The following C1orf87 variants were observed in gnomAD, a reference collection of about 807,000 sequenced individuals.
C1orf87 encodes uncharacterized protein C1orf87.
In C1orf87, 58 loss-of-function variants were observed where a neutral mutation model predicts 60.5. The observed-to-expected ratio is 0.96, with a 90% CI of 0.78 to 1.19. The LOEUF (loss-of-function observed/expected upper bound fraction) is 1.19, where lower values mean the gene tolerates loss of function less well. C1orf87 is among the 50% of genes most tolerant of loss of function. C1orf87 has a pLI of 0.00. For missense variants in C1orf87, 673 were observed against 638.6 expected, an observed-to-expected ratio of 1.05 and a Z score of -0.58; for synonymous variants, 236 against 227.4, an observed-to-expected ratio of 1.04 and a Z score of -0.34.
chr1:60,038,117 A>G lies in C1orf87; in HGVS notation c.748-10T>C. The G allele has an allele frequency of 1.4e-6, 2 of 1,476,578 alleles. No homozygotes were observed. The highest frequency in any genetic ancestry group is 1.9e-6 in the Non-Finnish European group (2 of 1,075,392). The allele number at this position is 1,476,578 out of a possible 1,614,324, so 91.5% of individuals were successfully genotyped here. A position where few individuals can be genotyped will look rare whatever the true frequency, so the allele number is the denominator to read the frequency against. ...GCTTTTCATAATTCACCTGAAAATT[A>G]AATGTAAAATAGAACATCCTCATTT... On this transcript the variant is annotated splice_polypyrimidine_tract_variant and intron_variant, in intron 5 of 11. Transcript: ENST00000371201.
intron 2 of C1orf87, among the ~76,000 whole-genome samples, chr1:60,069,409 G>A (rs1040551792): frequency 1.3e-5 from 2 of 152,132 alleles, no homozygotes; most frequent in African/African-American, 4.8e-5. Flanking sequence ...AAACTGCAGA[G>A]AGTCAAGTAG....
chr1:60,026,895 T>A (rs1645201845), intron 7 of C1orf87, among the ~76,000 whole-genome samples: 1 of 152,172 alleles, frequency 6.6e-6, no homozygotes, highest in Admixed American at 6.5e-5. Flanking sequence ...TTGTATAAAA[T>A]TACCTCCAGG....
chr1:60,039,176 G>T (rs759065087), intron 5 of C1orf87, among the ~76,000 whole-genome samples: 11 of 152,088 alleles, frequency 7.2e-5, no homozygotes, highest in Non-Finnish European at 1.6e-4. Context: ...GAACTAAGAT[G>T]GTGGGATTAA....
chr1:60,061,723 G>C (rs1160264261), intron 2 of C1orf87, among the ~76,000 whole-genome samples: 1 of 129,910 alleles, frequency 7.7e-6, no homozygotes. Context: ...AAGATCACTT[G>C]AAGCCAGGAG....
chr1:59,995,955 T>C (rs1381596254), intron 11 of C1orf87, among the ~76,000 whole-genome samples: 1 of 152,258 alleles, frequency 6.6e-6, no homozygotes, highest in Non-Finnish European at 1.5e-5. Context: ...TCATCCTTTC[T>C]GGTTTTCCTC....
At chr1:60,064,655 T>TTAAATATATAATTATATA (rs1645524341) in intron 2 of C1orf87, among the ~76,000 whole-genome samples, 1 of 110,534 alleles carries the variant, frequency 9.0e-6, no homozygotes, top group Admixed American at 1.4e-4. Flanking sequence ...ATTTTATATA[T>TTAAATATATAATTATATA]TAAATATATA....
At chr1:60,038,767 G>A (rs534220835) in intron 5 of C1orf87, among the ~76,000 whole-genome samples, 2 of 152,314 alleles carry the variant, frequency 1.3e-5, no homozygotes, top group Admixed American at 6.5e-5. Flanking sequence ...TAGGCCAAGT[G>A]AAAAATCTGA....
At position 60,040,189 on chromosome 1, in the gene C1orf87, A is replaced by G. The variant is rs370236878; in HGVS notation, c.484-9T>C. 1.8e-5 allele frequency: 29 copies of G among 1,604,216 alleles called. No homozygotes were observed. The highest frequency in any genetic ancestry group is 1.7e-4 in the Middle Eastern group (1 of 5,988). The stretch of plus-strand genomic sequence containing the variant: ...GGGCTCTGGCCAATATCCTAACACA[A>G]CAATGAAAAACAAAGAGCAAGACTC... On this transcript the variant is annotated splice_polypyrimidine_tract_variant and intron_variant, in intron 4 of 11. Coordinates refer to ENST00000371201, the MANE Select transcript of C1orf87 (RefSeq NM_152377.3).
At chr1:60,040,217 C>T (rs372664696) in intron 4 of C1orf87, 37 bp from the exon 5 acceptor site, 5 of 1,580,862 alleles carry the variant, frequency 3.2e-6, no homozygotes, top group Non-Finnish European at 4.3e-6. Flanking sequence ...CAAGACTCTT[C>T]AATCAGCCGG....
chr1:60,053,091 A>G (rs1475598192), intron 3 of C1orf87, among the ~76,000 whole-genome samples: 1 of 152,252 alleles, frequency 6.6e-6, no homozygotes, highest in Non-Finnish European at 1.5e-5. Flanking sequence ...TTACCTAATG[A>G]ACATGCTACC....
At chr1:60,049,652 T>TAAG (rs1444654935) in intron 3 of C1orf87, among the ~76,000 whole-genome samples, 5 of 152,200 alleles carry the variant, frequency 3.3e-5, no homozygotes, top group African/African-American at 1.2e-4. Context: ...GAGTCACAGT[T>TAAG]AAGAAAGTTT....
chr1:60,025,451 C>T lies in C1orf87; in HGVS notation c.1077G>A (p.Leu359=). The change falls in exon 8 of 12, where the codon CTG becomes CTA. Residue 359 remains leucine (L), a synonymous_variant. Transcript: ENST00000371201. The part of the protein sequence containing the change: ...GKHGLYLTLS[L]LETLLNHQDL... ...CTTGATGGTTAAGCAATGTTTCCAGCAGGCTCAGGGTCAGATATAATCCAT... is the reference window on the plus strand; with the variant it reads ...CTTGATGGTTAAGCAATGTTTCCAGTAGGCTCAGGGTCAGATATAATCCAT... 1 of 1,613,262 alleles carries T rather than the reference C, an allele frequency of 6.2e-7. No homozygotes were observed.
At chr1:60,020,282 C>T (rs1235377789) in intron 8 of C1orf87, among the ~76,000 whole-genome samples, 1 of 152,142 alleles carries the variant, frequency 6.6e-6, no homozygotes, top group Non-Finnish European at 1.5e-5. Context: ...TGTACAGAGG[C>T]CGCACTAGGG....
At chr1:60,034,375 C>T (rs896099002) in intron 6 of C1orf87, among the ~76,000 whole-genome samples, 1 of 152,180 alleles carries the variant, frequency 6.6e-6, no homozygotes, top group African/African-American at 2.4e-5. Context: ...TTTGTTCCTC[C>T]AGATCCAGGT....
At chr1:60,010,531 A>C in intron 8 of C1orf87, 75 bp from the exon 9 acceptor site, 4 of 1,277,388 alleles carry the variant, frequency 3.1e-6, no homozygotes, top group Non-Finnish European at 4.5e-6. Context: ...AGCTCTGTTT[A>C]TATTGGTAGT....
chr1:60,064,334 C>CATATATAAATTATATAGGATA (rs1645519968), intron 2 of C1orf87, among the ~76,000 whole-genome samples: 1 of 76,074 alleles, frequency 1.3e-5, no homozygotes, highest in Admixed American at 1.4e-4. Flanking sequence ...ATTATATATA[C>CATATATAAATTATATAGGATA]TATATATGTA....
intron 2 of C1orf87, among the ~76,000 whole-genome samples, chr1:60,070,321 T>C (rs1349963311): frequency 6.6e-6 from 1 of 152,224 alleles, no homozygotes; most frequent in African/African-American, 2.4e-5. Context: ...ATCCATGATT[T>C]TCTTTTAATT....
intron 10 of C1orf87, among the ~76,000 whole-genome samples, chr1:59,999,627 G>A (rs900870184): frequency 4.6e-5 from 7 of 152,124 alleles, no homozygotes; most frequent in Non-Finnish European, 1.0e-4. Context: ...AACTAACAAT[G>A]TAACTAATAC....
At chr1:60,046,542 C>A (rs1020855585) in intron 3 of C1orf87, among the ~76,000 whole-genome samples, 1 of 150,620 alleles carries the variant, frequency 6.6e-6, no homozygotes, top group African/African-American at 2.4e-5. Flanking sequence ...TAGACTCAAG[C>A]AATCCCCTGT....
Sources: gnomAD v4.1 joint callset for allele counts (sites outside exome capture counted in the v4.1 genomes callset) on GRCh38, gnomAD v4.1.1 for gene constraint, MANE v1.5 for transcripts, NCBI Gene and HGNC (gene_info 2026-07-23, HGNC 2026-07-21) for gene names.